Variants in WDR37 observed in about 807,000 individuals in gnomAD.
WDR37 encodes the protein WD repeat domain 37, also known as WD repeat-containing protein 37.
In WDR37, 19 loss-of-function variants were observed where a neutral mutation model predicts 62.9. The ratio of observed to expected loss-of-function variants is 0.30; its 90% CI spans 0.21 to 0.44. The LOEUF is 0.44. WDR37 is among the 20% of genes least tolerant of loss of function. WDR37 has a pLI of 1.00. For missense variants in WDR37, 474 were observed against 657.6 expected (o/e 0.72, Z 3.05); for synonymous variants, 250 against 260.9 (o/e 0.96, Z 0.40).
chr10:1,105,315 T>C lies in WDR37; in HGVS notation c.1103+48T>C. ...TCTGTCCTTAGTCATGAAAAAGTTC[T>C]GTGGGTTGACATGAAAACTTAATTC... On this transcript the variant is annotated intron_variant, in intron 11 of 13. Transcript: ENST00000263150. The surrounding 1 kb of genome is among the most constrained non-coding windows in gnomAD (Gnocchi z 5.3). The C allele has an allele frequency of 6.3e-7, 1 of 1,574,964 alleles. No individual in the cohort carries two copies. The highest frequency in any genetic ancestry group is 8.7e-7 in the Non-Finnish European group (1 of 1,153,614).
chr10:1,100,440 G>C (rs2131655299), intron 9 of WDR37, among the ~76,000 whole-genome samples: 2 of 152,316 alleles, frequency 1.3e-5, no homozygotes, highest in South Asian at 4.1e-4. Context: ...TTTGTTTTCT[G>C]AAGCTTTTGC....
intron 3 of WDR37, among the ~76,000 whole-genome samples, chr10:1,079,778 G>C (rs1833974835): frequency 6.6e-6 from 1 of 152,066 alleles, no homozygotes; most frequent in Non-Finnish European, 1.5e-5. Context: ...ACCTGCCTTG[G>C]CCTCCCAAAG....
At chr10:1,063,663 G>A (rs1186018363) in intron 1 of WDR37, among the ~76,000 whole-genome samples, 2 of 152,168 alleles carry the variant, frequency 1.3e-5, no homozygotes, top group Non-Finnish European at 2.9e-5. Context: ...CAAAACTCAG[G>A]AACTTTACTG....
Position 1,086,356 on chromosome 10 carries a change from A to G in WDR37, c.603A>G (p.Ser201=), listed in dbSNP as rs753474538. The G allele has an allele frequency of 2.5e-6, 4 of 1,613,720 alleles. No homozygotes were observed. The South Asian group carries it at 4.4e-5, about 18-fold the overall frequency. ...TCAAGTACGCAGGCCACGTGGGCTC[A>G]GGTAAGCACTGCCTAAGGAGTGCCG... The part of the protein sequence containing the change: ...CLVKYAGHVG[S]VNSIKFHPSE... The change falls in exon 7 of 14, where the codon TCA becomes TCG. Residue 201 remains serine, a splice_region_variant and synonymous_variant. Transcript: ENST00000263150.
At chr10:1,076,553 C>T (rs1380629043) in intron 2 of WDR37, among the ~76,000 whole-genome samples, 1 of 151,890 alleles carries the variant, frequency 6.6e-6, no homozygotes, top group South Asian at 2.1e-4. Flanking sequence ...GTGGTGGGCA[C>T]CTGTAGTCCC....
At chr10:1,119,779 A>G (rs965139173) in intron 11 of WDR37, among the ~76,000 whole-genome samples, 16 of 152,210 alleles carry the variant, frequency 1.1e-4, no homozygotes, top group African/African-American at 3.9e-4. Flanking sequence ...CGGGGCCTGC[A>G]CACAGCCAGT....
chr10:1,100,351 CCA>C (rs1834751529), intron 9 of WDR37, among the ~76,000 whole-genome samples: 3 of 152,146 alleles, frequency 2.0e-5, no homozygotes, highest in African/African-American at 7.2e-5. Flanking sequence ...CTGTGGACGG[CCA>C]GGTCCCTGCA....
chr10:1,074,921 G>A (rs1833826903), intron 2 of WDR37, among the ~76,000 whole-genome samples: 1 of 152,270 alleles, frequency 6.6e-6, no homozygotes, highest in African/African-American at 2.4e-5. Flanking sequence ...TGCTGGCTGC[G>A]GCCTGAAGAG....
Position 1,105,232 on chromosome 10 carries a change from C to T in WDR37, c.1068C>T (p.Ser356=), listed in dbSNP as rs754431065. ...GCCTCTGGGATTTCAGGGACCCCTC[C>T]ATCCACTCGGTGAATGTTTTCCAGG... ...TFRLWDFRDP[S]IHSVNVFQGH... The change falls in exon 11 of 14, where the codon TCC becomes TCT. Residue 356 remains serine, a synonymous_variant. Transcript: ENST00000263150. This position sits in a 1 kb window ranked among gnomAD's most constrained non-coding sequence, Gnocchi z 5.3. The T allele has an allele frequency of 1.7e-5, 28 of 1,614,036 alleles. 1 individual carries two copies. In the South Asian group the frequency reaches 2.9e-4, roughly 16 times the overall value.
chr10:1,100,197 G>A (rs1834745546), intron 9 of WDR37, among the ~76,000 whole-genome samples: 1 of 152,166 alleles, frequency 6.6e-6, no homozygotes, highest in Non-Finnish European at 1.5e-5. Context: ...CATATTGATA[G>A]CTGCCACCTC....
chr10:1,108,523 A>G (rs956394588), intron 11 of WDR37, among the ~76,000 whole-genome samples: 12 of 152,190 alleles, frequency 7.9e-5, no homozygotes, highest in Non-Finnish European at 1.5e-4. Flanking sequence ...GCGAAGCGAC[A>G]CTATTCTATG....
chr10:1,096,447 A>G (rs994832124), intron 9 of WDR37: 29 of 603,798 alleles, frequency 4.8e-5, no homozygotes, highest in African/African-American at 4.1e-4. Flanking sequence ...TGAGGTCCTC[A>G]TAAGAGGAGA....
intron 11 of WDR37, among the ~76,000 whole-genome samples, chr10:1,118,724 G>GT (rs1233325444): frequency 1.3e-5 from 2 of 151,986 alleles, no homozygotes; most frequent in East Asian, 3.9e-4. Context: ...CCAACACTTT[G>GT]TAAAAAAAAA....
intron 1 of WDR37, among the ~76,000 whole-genome samples, chr10:1,069,389 A>ATTTTTTTTTTT (rs377212232): frequency 2.1e-5 from 2 of 95,806 alleles, no homozygotes; most frequent in African/African-American, 9.4e-5. Flanking sequence ...ATATATATAT[A>ATTTTTTTTTTT]TTTTTTTTTT....
intron 7 of WDR37, among the ~76,000 whole-genome samples, chr10:1,086,773 G>GT (rs1834215610): frequency 6.6e-6 from 1 of 152,062 alleles, no homozygotes; most frequent in Non-Finnish European, 1.5e-5. Flanking sequence ...TGCTGTCCAC[G>GT]GAGTGAATGC....
At chr10:1,092,134 C>T (rs1202598436) in intron 7 of WDR37, among the ~76,000 whole-genome samples, 1 of 142,706 alleles carries the variant, frequency 7.0e-6, no homozygotes, top group Non-Finnish European at 1.5e-5. Context: ...GAGCTGAGAT[C>T]GCGCCACTGC....
At position 1,074,379 on chromosome 10, in the gene WDR37, C is replaced by T; in HGVS notation, c.138+2086C>T. Reference sequence around the variant, plus strand: ...CATGGTAACCCTCACGAAGGTAGCTCAGAGGTCTCCAAGCCGCACGGCCTC... The same window carrying T: ...CATGGTAACCCTCACGAAGGTAGCTTAGAGGTCTCCAAGCCGCACGGCCTC... On this transcript the variant is annotated intron_variant, in intron 2 of 13. Coordinates refer to ENST00000263150, the MANE Select transcript of WDR37 (RefSeq NM_014023.4). 3 of 1,288,814 alleles carry T rather than the reference C, an allele frequency of 2.3e-6. 1 individual carries two copies. The South Asian group carries it at 3.8e-5, about 16-fold the overall frequency. The allele number at this position is 1,288,814 out of a possible 1,614,324, so 79.8% of individuals were successfully genotyped here.
chr10:1,093,619 T>G (rs1043104767), intron 8 of WDR37, 123 bp downstream of exon 8: 1 of 818,440 alleles, frequency 1.2e-6, no homozygotes, highest in Non-Finnish European at 1.9e-6. Flanking sequence ...TTAGTAGACA[T>G]TTTATGAATT....
intron 5 of WDR37, 27 bp downstream of exon 5, chr10:1,080,503 ATCAT>A: frequency 6.2e-7 from 1 of 1,613,278 alleles, no homozygotes. Context: ...CTCTTGAGCC[ATCAT>A]GTGGTGGTTA....
Sources: gnomAD v4.1 joint callset for allele counts (sites outside exome capture counted in the v4.1 genomes callset) on GRCh38, gnomAD v4.1.1 for gene constraint, Gnocchi (gnomAD v3.1) non-coding constraint, MANE v1.5 for transcripts, NCBI Gene and HGNC (gene_info 2026-07-23, HGNC 2026-07-21) for gene names.